Variants in CPA6 observed in about 807,000 individuals in gnomAD.
CPA6 encodes carboxypeptidase B.
A neutral mutation model predicts 63.3 loss-of-function variants in CPA6; 58 were observed. That is an observed-to-expected ratio of 0.92 (90% CI 0.74 to 1.14). CPA6 has a LOEUF of 1.14. Ranked by LOEUF, CPA6 falls within the 50% of genes most tolerant of loss-of-function variation. CPA6 has a pLI of 0.00. For missense variants in CPA6, 565 were observed against 526.6 expected (o/e 1.07, Z -0.71); for synonymous variants, 185 against 179.0 (o/e 1.03, Z -0.27).
chr8:67,465,563 G>A (rs754858387), intron 8 of CPA6, among the ~76,000 whole-genome samples: 2 of 152,112 alleles, frequency 1.3e-5, no homozygotes, highest in African/African-American at 2.4e-5. Flanking sequence ...GGGCATTCCT[G>A]TTTTGTTCCA....
chr8:67,480,187 G>T (rs77486693), intron 8 of CPA6, among the ~76,000 whole-genome samples: 2,134 of 152,180 alleles, frequency 0.014, 60 homozygotes, highest in African/African-American at 0.047. Context: ...TATAATAGCT[G>T]TATTGCTTTA....
At chr8:67,484,855 T>C (rs538036649) in intron 6 of CPA6, 66 bp from the exon 7 acceptor site, 16 of 808,180 alleles carry the variant, frequency 2.0e-5, no homozygotes, top group African/African-American at 3.5e-5. Flanking sequence ...GAGTGTGAGA[T>C]ATCCTTTCTA....
intron 1 of CPA6, among the ~76,000 whole-genome samples, chr8:67,665,935 C>A (rs1379776110): frequency 6.6e-6 from 1 of 152,174 alleles, no homozygotes; most frequent in Non-Finnish European, 1.5e-5. Context: ...AAATGTTAAA[C>A]CTTCAATAGG....
intron 1 of CPA6, among the ~76,000 whole-genome samples, chr8:67,654,041 C>T (rs974311428): frequency 1.3e-5 from 2 of 152,106 alleles, no homozygotes; most frequent in Middle Eastern, 3.2e-3. Context: ...TGCTGGATTA[C>T]ATTTACTGAT....
chr8:67,668,827 T>C (rs990352600), intron 1 of CPA6, among the ~76,000 whole-genome samples: 1 of 152,166 alleles, frequency 6.6e-6, no homozygotes, highest in African/African-American at 2.4e-5. Flanking sequence ...ACAACTATAT[T>C]ACAAATGTAC....
chr8:67,444,954 T>C (rs1487324940), intron 8 of CPA6, among the ~76,000 whole-genome samples: 2 of 152,152 alleles, frequency 1.3e-5, no homozygotes, highest in African/African-American at 4.8e-5. Flanking sequence ...ACTTGATGTT[T>C]CAAGGAGAGT....
Position 67,592,248 on chromosome 8 carries a change from TG to T in CPA6, c.192+31927del, listed in dbSNP as rs540062891. 4.6e-5 allele frequency among the ~76,000 whole-genome samples: 7 copies of T among 152,382 alleles called. No homozygotes were observed. The South Asian group carries it at 1.4e-3, about 32-fold the overall frequency. ...CCCAGGGATGAAGCCCACTTGATCA[TG>T]GTGGATAAGCTTTTTGATGTGTTGC... On this transcript the variant is annotated intron_variant, in intron 2 of 10. Transcript: ENST00000297770.
chr8:67,651,981 G>C (rs1815852324), intron 1 of CPA6, among the ~76,000 whole-genome samples: 1 of 151,858 alleles, frequency 6.6e-6, no homozygotes, highest in African/African-American at 2.4e-5. Context: ...CTATGAGTGA[G>C]AACATGCGGT....
At chr8:67,704,267 A>G (rs1230525676) in intron 1 of CPA6, among the ~76,000 whole-genome samples, 1 of 152,164 alleles carries the variant, frequency 6.6e-6, no homozygotes, top group Non-Finnish European at 1.5e-5. Context: ...CCATTTCTCT[A>G]ATCACTTCTG....
chr8:67,535,290 T>G (rs1370893826), intron 2 of CPA6, among the ~76,000 whole-genome samples: 1 of 152,174 alleles, frequency 6.6e-6, no homozygotes, highest in Non-Finnish European at 1.5e-5. Context: ...ACACTGTCTT[T>G]CACAATGATT....
At chr8:67,507,357 T>C (rs1016544219) in intron 5 of CPA6, among the ~76,000 whole-genome samples, 1 of 152,120 alleles carries the variant, frequency 6.6e-6, no homozygotes. Flanking sequence ...ATTTCTTAAA[T>C]AATAGCTATA....
chr8:67,571,041 G>A (rs1417604984), intron 2 of CPA6, among the ~76,000 whole-genome samples: 1 of 152,156 alleles, frequency 6.6e-6, no homozygotes, highest in Admixed American at 6.5e-5. Context: ...GAGAGCAGAG[G>A]TAGCGATACT....
At chr8:67,481,789 G>A (rs550405766) in intron 8 of CPA6, among the ~76,000 whole-genome samples, 21 of 152,258 alleles carry the variant, frequency 1.4e-4, no homozygotes, top group African/African-American at 4.8e-4. Context: ...CCTTCATGCA[G>A]CACATAACTG....
chr8:67,724,847 TC>T (rs1274030884), intron 1 of CPA6, among the ~76,000 whole-genome samples: 3 of 152,218 alleles, frequency 2.0e-5, no homozygotes, highest in Non-Finnish European at 4.4e-5. Context: ...AAATTCCTCA[TC>T]ATTCAAGGCC....
chr8:67,443,259 C>T (rs1052986893), intron 8 of CPA6, among the ~76,000 whole-genome samples: 2 of 152,036 alleles, frequency 1.3e-5, no homozygotes, highest in African/African-American at 4.8e-5. Context: ...GGGGTTTCAC[C>T]ATGCTGGCCA....
intron 1 of CPA6, among the ~76,000 whole-genome samples, chr8:67,712,579 T>C (rs1311413866): frequency 6.6e-6 from 1 of 152,128 alleles, no homozygotes; most frequent in African/African-American, 2.4e-5. Context: ...ATAAGGGATA[T>C]GAGAATTCCT....
intron 8 of CPA6, among the ~76,000 whole-genome samples, chr8:67,448,664 G>GAAAAA (rs1810487222): frequency 7.5e-5 from 5 of 66,458 alleles, no homozygotes; most frequent in East Asian, 3.9e-4. Flanking sequence ...AGGAAAGAAC[G>GAAAAA]AAAAAGAAAA....
At chr8:67,604,025 G>C (rs1054214644) in intron 2 of CPA6, among the ~76,000 whole-genome samples, 10 of 152,216 alleles carry the variant, frequency 6.6e-5, no homozygotes, top group African/African-American at 2.4e-4. Context: ...AAATGATGTT[G>C]AGAAAATGTC....
chr8:67,665,463 G>A (rs1000812419), intron 1 of CPA6, among the ~76,000 whole-genome samples: 1 of 152,156 alleles, frequency 6.6e-6, no homozygotes, highest in Non-Finnish European at 1.5e-5. Context: ...CCAAGTACAA[G>A]AACTGAAAAC....
Sources: allele counts gnomAD v4.1 joint callset (sites outside exome capture counted in the v4.1 genomes callset), GRCh38; gene constraint gnomAD v4.1.1; transcripts MANE v1.5; gene names NCBI Gene and HGNC (gene_info 2026-07-23, HGNC 2026-07-21).